The following ADK variants were observed in gnomAD, a reference collection of about 807,000 sequenced individuals.
ADK encodes the protein N6,N6-dimethyladenosine kinase.
Under a neutral mutation model 44.7 loss-of-function variants are expected in ADK, and 24 were observed. The ratio of observed to expected loss-of-function variants is 0.54; its 90% CI spans 0.39 to 0.76. ADK has a LOEUF of 0.76. Ranked by LOEUF, ADK falls within the 30% of genes least tolerant of loss-of-function variation. The pLI, the probability that ADK is intolerant of heterozygous loss-of-function variation, is 0.00. For missense variants in ADK, 321 were observed against 425.1 expected (o/e 0.76, Z 2.15); for synonymous variants, 128 against 142.6 (o/e 0.90, Z 0.73).
At chr10:74,329,083 T>C (rs369829573) in intron 4 of ADK, among the ~76,000 whole-genome samples, 3 of 25,208 alleles carry the variant, frequency 1.2e-4, no homozygotes, top group Non-Finnish European at 2.4e-4. Context: ...AAAAATAAAA[T>C]AAAATCTAAT....
chr10:74,281,020 A>G (rs1846913419), intron 3 of ADK, among the ~76,000 whole-genome samples: 1 of 152,236 alleles, frequency 6.6e-6, no homozygotes, highest in Non-Finnish European at 1.5e-5. Flanking sequence ...TAATTTGAAA[A>G]TTTGAAATTC....
chr10:74,611,933 C>A (rs1852562713), intron 9 of ADK, among the ~76,000 whole-genome samples: 1 of 152,128 alleles, frequency 6.6e-6, no homozygotes, highest in African/African-American at 2.4e-5. Flanking sequence ...CTGTAATAAA[C>A]ATAAGAATGC....
rs566544872 is a variant in ADK at position 74,656,840 on chromosome 10, C to T, written c.878-13343C>T. Among the ~76,000 whole-genome samples, 9 of 152,184 alleles carry T rather than the reference C, an allele frequency of 5.9e-5. No homozygotes were observed. The East Asian group carries it at 1.3e-3, about 23-fold the overall frequency. On this transcript the variant is annotated intron_variant, in intron 9 of 10. Coordinates refer to ENST00000539909, the MANE Select transcript of ADK (RefSeq NM_006721.4). The stretch of plus-strand genomic sequence containing the variant: ...GTTAATTCAAAGTCCCACATGAGAG[C>T]GTTCTGTGTTTTGTGGTGTTTGTTT...
At chr10:74,292,431 T>C (rs1305656613) in intron 3 of ADK, among the ~76,000 whole-genome samples, 2 of 152,184 alleles carry the variant, frequency 1.3e-5, no homozygotes, top group Non-Finnish European at 2.9e-5. Flanking sequence ...GCACTCTGTG[T>C]CCTTAGTCAT....
At chr10:74,316,027 C>T (rs1038392900) in intron 4 of ADK, among the ~76,000 whole-genome samples, 1 of 152,102 alleles carries the variant, frequency 6.6e-6, no homozygotes, top group Non-Finnish European at 1.5e-5. Context: ...CACTTGAGGT[C>T]AGGAGATCCA....
At chr10:74,427,715 A>G (rs998773559) in intron 6 of ADK, among the ~76,000 whole-genome samples, 1 of 122,332 alleles carries the variant, frequency 8.2e-6, no homozygotes, top group African/African-American at 3.2e-5. Flanking sequence ...GTATTTTTGT[A>G]TATGTATATG....
chr10:74,219,720 C>T (rs1220272299), intron 2 of ADK, among the ~76,000 whole-genome samples: 5 of 150,808 alleles, frequency 3.3e-5, no homozygotes, highest in Admixed American at 2.6e-4. Flanking sequence ...GAAACTCACT[C>T]AAAACCGCTC....
chr10:74,508,082 A>G (rs989288309), intron 6 of ADK, among the ~76,000 whole-genome samples: 7 of 152,194 alleles, frequency 4.6e-5, no homozygotes, highest in Non-Finnish European at 1.0e-4. Flanking sequence ...TGTAGATTAC[A>G]GCTGGTTTAC....
At chr10:74,438,811 A>T (rs888639426) in intron 6 of ADK, among the ~76,000 whole-genome samples, 1 of 152,100 alleles carries the variant, frequency 6.6e-6, no homozygotes, top group African/African-American at 2.4e-5. Flanking sequence ...GTTTCAATGC[A>T]TACAGACAGT....
At chr10:74,570,848 G>A (rs1340888752) in intron 7 of ADK, among the ~76,000 whole-genome samples, 1 of 152,076 alleles carries the variant, frequency 6.6e-6, no homozygotes, top group Non-Finnish European at 1.5e-5. Context: ...GTGAGAGAGG[G>A]CATCCCTGTC....
chr10:74,290,078 G>A (rs867049875), intron 3 of ADK, among the ~76,000 whole-genome samples: 23 of 149,122 alleles, frequency 1.5e-4, no homozygotes, highest in African/African-American at 5.7e-4. Flanking sequence ...CTACTCACGC[G>A]CACACACACA....
At chr10:74,247,224 GTTTTTTTTTTTTT>G (rs142274121) in intron 3 of ADK, among the ~76,000 whole-genome samples, 1 of 72,008 alleles carries the variant, frequency 1.4e-5, no homozygotes, top group Non-Finnish European at 2.3e-5. Flanking sequence ...TTTTTTTTAA[GTTTTTTTTTTTTT>G]TTTTTTTTTT....
At chr10:74,652,873 G>A (rs1447957805) in intron 9 of ADK, among the ~76,000 whole-genome samples, 1 of 152,010 alleles carries the variant, frequency 6.6e-6, no homozygotes, top group African/African-American at 2.4e-5. Flanking sequence ...TAATTTCTAT[G>A]GTGTAAATAC....
At chr10:74,359,659 A>G (rs1248070586) in intron 4 of ADK, among the ~76,000 whole-genome samples, 1 of 152,194 alleles carries the variant, frequency 6.6e-6, no homozygotes, top group African/African-American at 2.4e-5. Flanking sequence ...GCAGTGAGCT[A>G]TAATCATGCC....
chr10:74,343,500 C>G (rs1341284476), intron 4 of ADK, among the ~76,000 whole-genome samples: 1 of 152,132 alleles, frequency 6.6e-6, no homozygotes, highest in East Asian at 1.9e-4. Context: ...ACTGGTTTTG[C>G]TGTCTTAAGG....
At chr10:74,433,941 A>T (rs541929421) in intron 6 of ADK, among the ~76,000 whole-genome samples, 3 of 152,310 alleles carry the variant, frequency 2.0e-5, no homozygotes, top group African/African-American at 7.2e-5. Context: ...GAAAGGTGTT[A>T]TATTAGTCTA....
At chr10:74,326,146 T>C (rs1010759636) in intron 4 of ADK, among the ~76,000 whole-genome samples, 1 of 152,196 alleles carries the variant, frequency 6.6e-6, no homozygotes, top group African/African-American at 2.4e-5. Context: ...ATTTTTCTTC[T>C]ATGTTCATCG....
chr10:74,476,874 A>T (rs1306749396), intron 6 of ADK, among the ~76,000 whole-genome samples: 1 of 152,190 alleles, frequency 6.6e-6, no homozygotes, highest in Non-Finnish European at 1.5e-5. Context: ...AGAATGTCAC[A>T]TACATGAAAT....
chr10:74,302,760 C>T (rs1288707679), intron 3 of ADK, among the ~76,000 whole-genome samples: 2 of 152,108 alleles, frequency 1.3e-5, no homozygotes, highest in Admixed American at 6.5e-5. Flanking sequence ...CGTGCCACTG[C>T]ACTCCAGCCT....
Sources: gnomAD v4.1 joint callset for allele counts (sites outside exome capture counted in the v4.1 genomes callset) on GRCh38, gnomAD v4.1.1 for gene constraint, MANE v1.5 for transcripts, NCBI Gene and HGNC (gene_info 2026-07-23, HGNC 2026-07-21) for gene names.